Variants in RBM47 observed in about 807,000 individuals in gnomAD.
RBM47 encodes RNA binding motif protein 47.
RBM47 carries 21 observed loss-of-function variants against 47.1 expected under a neutral mutation model. That is an observed-to-expected ratio of 0.45 (90% CI 0.32 to 0.64). The LOEUF is 0.64. RBM47 is among the 30% of genes least tolerant of loss of function. The pLI is 0.05. For synonymous variants in RBM47, 375 were observed against 361.7 expected, an observed-to-expected ratio of 1.04 and a Z score of -0.42; for missense variants, 708 against 870.9, an observed-to-expected ratio of 0.81 and a Z score of 2.35.
intron 1 of RBM47, among the ~76,000 whole-genome samples, chr4:40,548,997 T>C (rs1729284897): frequency 1.3e-5 from 2 of 152,094 alleles, no homozygotes; most frequent in South Asian, 2.1e-4. Context: ...AATGAGAAAA[T>C]GAGTTTCTTA....
intron 1 of RBM47, among the ~76,000 whole-genome samples, chr4:40,594,118 C>T (rs1040055636): frequency 6.6e-6 from 1 of 151,930 alleles, no homozygotes; most frequent in Non-Finnish European, 1.5e-5. Context: ...CTACCCCCAC[C>T]CCCGCTTCCA....
Position 40,446,341 on chromosome 4 carries a change from G to A in RBM47, c.-31-7417C>T, listed in dbSNP as rs115954553. 8.1e-3 allele frequency among the ~76,000 whole-genome samples: 1,229 copies of A among 152,258 alleles called. 9 individuals carry two copies. The highest frequency in any genetic ancestry group is 0.028 in the African/African-American group (1,143 of 41,532). ...GCTGGTGTGTGAACCCTGGGAGTCT[G>A]ATTTTCATCATAGGGCTGTGATGAG... On this transcript the variant is annotated intron_variant, in intron 3 of 6. Transcript: ENST00000295971.
At chr4:40,443,835 C>CA (rs1459035988) in intron 3 of RBM47, among the ~76,000 whole-genome samples, 1 of 146,190 alleles carries the variant, frequency 6.8e-6, no homozygotes, top group Non-Finnish European at 1.5e-5. Context: ...TTTAATATAC[C>CA]ATATTAAATA....
intron 1 of RBM47, among the ~76,000 whole-genome samples, chr4:40,625,594 GCTGGTGGATA>G (rs886108653): frequency 2.0e-5 from 3 of 152,062 alleles, no homozygotes; most frequent in African/African-American, 7.3e-5. Context: ...TTCCACCCCA[GCTGGTGGATA>G]CTCAGGGAAT....
At chr4:40,534,570 C>A (rs1251237787) in intron 2 of RBM47, among the ~76,000 whole-genome samples, 8 of 152,138 alleles carry the variant, frequency 5.3e-5, no homozygotes, top group Non-Finnish European at 1.0e-4. Context: ...CTCCTGGGGA[C>A]CTGGTCAGAA....
At chr4:40,552,026 C>T (rs890426271) in intron 1 of RBM47, among the ~76,000 whole-genome samples, 5 of 152,134 alleles carry the variant, frequency 3.3e-5, no homozygotes, top group Non-Finnish European at 7.4e-5. Context: ...GAAACATTTT[C>T]TCTTCTAGAG....
chr4:40,625,367 A>G (rs1412400250), intron 1 of RBM47, among the ~76,000 whole-genome samples: 5 of 152,196 alleles, frequency 3.3e-5, no homozygotes, highest in Non-Finnish European at 5.9e-5. Context: ...CTTTACAAAC[A>G]TGATTGAGCC....
At chr4:40,452,515 A>G (rs968291177) in intron 3 of RBM47, among the ~76,000 whole-genome samples, 3 of 152,186 alleles carry the variant, frequency 2.0e-5, no homozygotes, top group African/African-American at 7.2e-5. Context: ...CTGCTAAGCA[A>G]GCAGGAGGCC....
chr4:40,485,010 TTC>T (rs145092626), intron 2 of RBM47, among the ~76,000 whole-genome samples: 7,113 of 152,006 alleles, frequency 0.047, 421 homozygotes, highest in African/African-American at 0.14. Flanking sequence ...TTTGTTTGTT[TTC>T]TTTTTCTTTT....
intron 1 of RBM47, among the ~76,000 whole-genome samples, chr4:40,619,203 T>C (rs1307376252): frequency 6.6e-6 from 1 of 152,166 alleles, no homozygotes; most frequent in South Asian, 2.1e-4. Flanking sequence ...CCAAGATGGA[T>C]GGATTATTTG....
intron 1 of RBM47, among the ~76,000 whole-genome samples, chr4:40,596,142 T>A (rs534997386): frequency 5.9e-5 from 9 of 152,218 alleles, no homozygotes; most frequent in African/African-American, 2.2e-4. Context: ...GACGTGACTA[T>A]CCTTGGAGCT....
intron 1 of RBM47, among the ~76,000 whole-genome samples, chr4:40,617,106 C>T (rs1183279797): frequency 6.6e-6 from 1 of 151,784 alleles, no homozygotes; most frequent in Non-Finnish European, 1.5e-5. Context: ...AAACTCCTGA[C>T]CTCAGGTGAT....
In RBM47 at chr4:40,438,904, G is replaced by A. The variant is rs553021787; in HGVS notation, c.-11C>T. On this transcript the variant is annotated 5_prime_UTR_variant, in exon 4 of 7. Transcript: ENST00000295971. ...ATCCTCTGCGGTCATAATGTCAAAGGCATCCACAGCTGGCGGAAACCTGGG... is the reference window on the plus strand; with the variant it reads ...ATCCTCTGCGGTCATAATGTCAAAGACATCCACAGCTGGCGGAAACCTGGG... 1.2e-5 allele frequency: 19 copies of A among 1,524,348 alleles called. No individual in the cohort carries two copies. The highest frequency in any genetic ancestry group is 4.2e-5 in the Admixed American group (2 of 48,170). The allele number at this position is 1,524,348 out of a possible 1,614,324, so 94.4% of individuals were successfully genotyped here.
chr4:40,449,869 A>T (rs564870532), intron 3 of RBM47, among the ~76,000 whole-genome samples: 1 of 152,056 alleles, frequency 6.6e-6, no homozygotes, highest in South Asian at 2.1e-4. Context: ...TTTAGTAGAG[A>T]TGAGGATTCA....
rs530529433 is a variant in RBM47, at chr4:40,514,998, A to G, written c.-155+29424T>C. On this transcript the variant is annotated intron_variant, in intron 2 of 6. Coordinates refer to ENST00000295971, the MANE Select transcript of RBM47 (RefSeq NM_001098634.2). The stretch of plus-strand genomic sequence containing the variant: ...TATGTAGACGCAGTAGCATCTCCAC[A>G]TTGACCACATATTCCTATTTATCAG... Among the ~76,000 whole-genome samples, 26 of 152,370 alleles carry G rather than the reference A, an allele frequency of 1.7e-4. No individual in the cohort carries two copies. The East Asian group carries it at 4.8e-3, about 28-fold the overall frequency.
intron 3 of RBM47, among the ~76,000 whole-genome samples, chr4:40,460,469 C>G (rs916319279): frequency 6.6e-6 from 1 of 152,216 alleles, no homozygotes; most frequent in African/African-American, 2.4e-5. Context: ...AACTGTGTGA[C>G]TTCAGGTGAG....
intron 2 of RBM47, among the ~76,000 whole-genome samples, chr4:40,488,340 A>G (rs1721401524): frequency 8.0e-6 from 1 of 124,912 alleles, no homozygotes; most frequent in Non-Finnish European, 1.6e-5. Flanking sequence ...AAAAGAAAAA[A>G]AAAAGGGTGG....
At chr4:40,496,154 G>A (rs1477451628) in intron 2 of RBM47, among the ~76,000 whole-genome samples, 1 of 152,220 alleles carries the variant, frequency 6.6e-6, no homozygotes, top group Non-Finnish European at 1.5e-5. Context: ...AACTTGCACA[G>A]GAAACTGTGG....
chr4:40,601,310 G>A (rs1418251139), intron 1 of RBM47, among the ~76,000 whole-genome samples: 2 of 152,118 alleles, frequency 1.3e-5, no homozygotes, highest in Non-Finnish European at 2.9e-5. Flanking sequence ...CTGGCCCAAG[G>A]GAAGTTCTTG....
Sources: gnomAD v4.1 joint callset for allele counts (sites outside exome capture counted in the v4.1 genomes callset) on GRCh38, gnomAD v4.1.1 for gene constraint, MANE v1.5 for transcripts, NCBI Gene and HGNC (gene_info 2026-07-23, HGNC 2026-07-21) for gene names.